Variants in USH1C observed in about 807,000 individuals in gnomAD.
USH1C encodes the protein USH1 protein network component harmonin.
Under a neutral mutation model 119.3 loss-of-function variants are expected in USH1C, and 90 were observed. That is an observed-to-expected ratio of 0.75 (90% confidence interval 0.64 to 0.90). The LOEUF (loss-of-function observed/expected upper bound fraction) is 0.90, where lower values mean the gene tolerates loss of function less well. Ranked by LOEUF, USH1C falls within the 40% of genes least tolerant of loss-of-function variation. The probability of loss-of-function intolerance (pLI) is 0.00; values close to 1 mark genes in which losing one functional copy is unlikely to be tolerated. For synonymous variants in USH1C, 465 were observed against 443.3 expected (o/e 1.05, Z -0.62); for missense variants, 1,165 against 1,167.7 (o/e 1.00, Z 0.03).
chr11:17,522,611 C>T lies in USH1C; in HGVS notation c.1019+173G>A, dbSNP rs149654396. On this transcript the variant is annotated intron_variant, in intron 12 of 26. Coordinates refer to ENST00000005226, the MANE Select transcript of USH1C (RefSeq NM_153676.4). ...AGCAAGGAGGAAGGAGCCAGGTGGTCTGAGGCCAAGGATGGATACGCTGAC... is the reference window on the plus strand; with the variant it reads ...AGCAAGGAGGAAGGAGCCAGGTGGTTTGAGGCCAAGGATGGATACGCTGAC... Among the ~76,000 whole-genome samples, 1,606 of 152,274 alleles carry T rather than the reference C, an allele frequency of 0.011. 17 individuals are homozygous for T. The highest frequency in any genetic ancestry group is 0.017 in the Non-Finnish European group (1,189 of 68,020).
intron 20 of USH1C, 148 bp downstream of exon 20, chr11:17,504,499 T>C (rs1054678220): frequency 1.2e-6 from 1 of 854,222 alleles, no homozygotes; most frequent in Non-Finnish European, 2.0e-6. Flanking sequence ...GCGCAGGCAA[T>C]GGAGGACACA....
At chr11:17,532,988 G>C (rs1851054571) in intron 2 of USH1C, among the ~76,000 whole-genome samples, 1 of 152,178 alleles carries the variant, frequency 6.6e-6, no homozygotes, top group Non-Finnish European at 1.5e-5. Flanking sequence ...CTGGCTACTA[G>C]ACAGCCTCCT....
intron 24 of USH1C, 109 bp from the exon 25 acceptor site, chr11:17,496,922 C>T (rs1246926963): frequency 4.5e-6 from 6 of 1,326,188 alleles, no homozygotes; most frequent in African/African-American, 1.5e-5. Context: ...AGCCAGGCTG[C>T]ACCTTCTTCC....
intron 1 of USH1C, among the ~76,000 whole-genome samples, chr11:17,534,936 G>A (rs923508803): frequency 6.6e-6 from 1 of 151,098 alleles, no homozygotes; most frequent in Admixed American, 6.6e-5. Flanking sequence ...GCTTGAGTGG[G>A]TGGTACTAAA....
chr11:17,495,509 C>A, intron 26 of USH1C, 60 bp downstream of exon 26: 1 of 1,534,884 alleles, frequency 6.5e-7, no homozygotes, highest in Non-Finnish European at 9.0e-7. Flanking sequence ...GCGTGGGCAG[C>A]AGATGGCCAC....
chr11:17,539,822 T>A (rs762991647), intron 1 of USH1C, among the ~76,000 whole-genome samples: 1 of 139,732 alleles, frequency 7.2e-6, no homozygotes, highest in African/African-American at 2.9e-5. Context: ...TGTTTCTGTT[T>A]CTTTCTTTTT....
chr11:17,527,881 T>C (rs1850781837), intron 4 of USH1C, among the ~76,000 whole-genome samples: 1 of 152,116 alleles, frequency 6.6e-6, no homozygotes, highest in South Asian at 2.1e-4. Context: ...TTTCCCATCA[T>C]ATGGAAACTT....
Position 17,494,292 on chromosome 11 carries a change from G to A in USH1C, c.*40C>T. The A allele has an allele frequency of 6.2e-7, 1 of 1,600,620 alleles. No individual in the cohort carries two copies. Among genetic ancestry groups the A allele is most frequent in the Non-Finnish European group, 8.5e-7 (1 of 1,172,996 alleles). ...GTGGCCTCTCTCAAGGCTGATCCGAGGCTTTGTGTTCACGAGGTGGGGCCG... is the reference window on the plus strand; with the variant it reads ...GTGGCCTCTCTCAAGGCTGATCCGAAGCTTTGTGTTCACGAGGTGGGGCCG... On this transcript the variant is annotated 3_prime_UTR_variant, in exon 27 of 27. Coordinates refer to ENST00000005226, the MANE Select transcript of USH1C (RefSeq NM_153676.4).
At chr11:17,494,444 C>A (rs1849173535) in intron 26 of USH1C, 68 bp from the exon 27 acceptor site, 1 of 1,518,146 alleles carries the variant, frequency 6.6e-7, no homozygotes. Flanking sequence ...CCAGCCAGAG[C>A]AAGGCCCCAC....
chr11:17,538,357 A>G (rs527780675), intron 1 of USH1C, among the ~76,000 whole-genome samples: 2 of 152,258 alleles, frequency 1.3e-5, no homozygotes, highest in African/African-American at 4.8e-5. Context: ...GGGTTTGGCC[A>G]TGTGGTACCC....
At chr11:17,527,772 T>C (rs1327496214) in intron 4 of USH1C, among the ~76,000 whole-genome samples, 1 of 152,246 alleles carries the variant, frequency 6.6e-6, no homozygotes, top group Non-Finnish European at 1.5e-5. Flanking sequence ...TCCCTATCTC[T>C]GTTAATTGCT....
In USH1C at chr11:17,504,735, T is replaced by G. The variant is rs573844196; in HGVS notation, c.2134-38A>C. On this transcript the variant is annotated intron_variant, in intron 19 of 26. Coordinates refer to ENST00000005226, the MANE Select transcript of USH1C (RefSeq NM_153676.4). ...AAAAAAAAAAGTTCCACATTGGATG[T>G]TACCAATAGGTCTTGGCTGCCCCCT... The G allele has an allele frequency of 4.5e-5, 72 of 1,609,266 alleles. 2 individuals are homozygous for G. In the South Asian group the frequency reaches 7.7e-4, roughly 17 times the overall value.
At position 17,505,836 on chromosome 11, in the gene USH1C, T is replaced by C. The variant is rs1849626402; in HGVS notation, c.2127A>G (p.Glu709=). The change falls in exon 19 of 27, where the codon GAA becomes GAG. Residue 709 remains glutamate (E), a synonymous_variant. Coordinates refer to ENST00000005226, the MANE Select transcript of USH1C (RefSeq NM_153676.4). The part of the protein sequence containing the change: ...NFIYRPAVKS[E]VLPQEMLKRM... ...GGGGACCCAAGGGGCTTACCAGAACTTCAGATTTCACAGCTGGCCTGTAGA... is the reference window on the plus strand; with the variant it reads ...GGGGACCCAAGGGGCTTACCAGAACCTCAGATTTCACAGCTGGCCTGTAGA... 3 of 1,614,046 alleles carry C rather than the reference T, an allele frequency of 1.9e-6. No individual in the cohort carries two copies. The highest frequency in any genetic ancestry group is 2.5e-6 in the Non-Finnish European group (3 of 1,179,942).
At chr11:17,541,546 A>G (rs1040146251) in intron 1 of USH1C, among the ~76,000 whole-genome samples, 2 of 152,236 alleles carry the variant, frequency 1.3e-5, no homozygotes, top group Non-Finnish European at 2.9e-5. Context: ...TAAGCCAATG[A>G]GTAACCAAGT....
chr11:17,501,403 A>G, intron 22 of USH1C, 79 bp downstream of exon 22: 2 of 1,505,832 alleles, frequency 1.3e-6, no homozygotes, highest in African/African-American at 1.4e-5. Flanking sequence ...TGACCTTGAG[A>G]GTAGAGGCAG....
At chr11:17,542,900 G>T (rs1282689267) in intron 1 of USH1C, among the ~76,000 whole-genome samples, 1 of 152,210 alleles carries the variant, frequency 6.6e-6, no homozygotes. Flanking sequence ...AATTCCTGCT[G>T]AACTTCCAGC....
At chr11:17,519,981 C>T (rs1034649880) in intron 14 of USH1C, among the ~76,000 whole-genome samples, 2 of 152,170 alleles carry the variant, frequency 1.3e-5, no homozygotes, top group Non-Finnish European at 2.9e-5. Context: ...GCTCTTGAGT[C>T]CAGAATAGCC....
intron 1 of USH1C, among the ~76,000 whole-genome samples, chr11:17,538,068 C>G (rs112716622): frequency 7.2e-5 from 11 of 152,310 alleles, no homozygotes; most frequent in African/African-American, 2.6e-4. Context: ...CTTCTTTCTC[C>G]GACTAGATTT....
chr11:17,494,224 G>T lies in USH1C; in HGVS notation c.*108C>A. 2 of 1,358,496 alleles carry T rather than the reference G, an allele frequency of 1.5e-6. No homozygotes were observed. Among genetic ancestry groups the T allele is most frequent in the Non-Finnish European group, 1.0e-6 (1 of 971,250 alleles). 84.2% of individuals were successfully genotyped at this position (1,358,496 alleles called of 1,614,324 possible). Reference sequence around the variant, plus strand: ...GCCAAAGGGAGTTTGAGATTCCTGGGTGATAGATTCAGGTCCCAAGGATGC... The same window carrying T: ...GCCAAAGGGAGTTTGAGATTCCTGGTTGATAGATTCAGGTCCCAAGGATGC... On this transcript the variant is annotated 3_prime_UTR_variant, in exon 27 of 27. Transcript: ENST00000005226.
Sources: gnomAD v4.1 joint callset for allele counts (sites outside exome capture counted in the v4.1 genomes callset) on GRCh38, gnomAD v4.1.1 for gene constraint, MANE v1.5 for transcripts, NCBI Gene and HGNC (gene_info 2026-07-23, HGNC 2026-07-21) for gene names.